The following PCNX4 variants were observed in gnomAD, a reference collection of about 807,000 sequenced individuals.
PCNX4 encodes pecanex-like protein 4.
Under a neutral mutation model 107.2 loss-of-function variants are expected in PCNX4, and 103 were observed. The observed-to-expected ratio is 0.96, with a 90% CI of 0.82 to 1.13. The LOEUF (loss-of-function observed/expected upper bound fraction) is 1.13. Ranked by LOEUF, PCNX4 falls within the 50% of genes most tolerant of loss-of-function variation. The pLI is 0.00. For synonymous variants in PCNX4, 541 were observed against 481.7 expected (o/e 1.12, Z -1.61); for missense variants, 1,528 against 1,379.4 (o/e 1.11, Z -1.71).
In PCNX4 at chr14:60,142,315, G is replaced by A. The variant is rs1432939211; in HGVS notation, c.*8094G>A. 2.0e-5 allele frequency: 3 copies of A among 152,212 alleles called. No individual in the cohort carries two copies. Among genetic ancestry groups the A allele is most frequent in the Admixed American group, 6.5e-5 (1 of 15,286 alleles). The allele number at this position is 152,212 out of a possible 1,614,324, so 9.4% of individuals were successfully genotyped here. The stretch of plus-strand genomic sequence containing the variant: ...TATTTAAATCTACCTTTGAATTACC[G>A]ATTGTGACTGAGGTCTCATGTGGCT... On this transcript the variant is annotated 3_prime_UTR_variant, in exon 11 of 11. Transcript: ENST00000406854. This position sits in a 1 kb window ranked among gnomAD's most constrained non-coding sequence, Gnocchi z 4.7.
chr14:60,126,101 G>A (rs533971623), intron 10 of PCNX4: 22 of 204,374 alleles, frequency 1.1e-4, no homozygotes, highest in African/African-American at 3.9e-4. Flanking sequence ...TGTGTAGTAT[G>A]CTATAACATA....
In PCNX4 at chr14:60,134,121, C is replaced by T. The variant is rs759203672; in HGVS notation, c.3419C>T (p.Ala1140Val). ...GATGAAGAACGTTATAGTATACAAG[C>T]TCATCCACTACTTTTAAGAAATCTT... ...NDDEERYSIQ[A>V]HPLLLRNLTV... is the part of the protein sequence containing the mutation. The change falls in exon 11 of 11, where the codon GCT (alanine) becomes GTT (valine). Residue 1140 changes from alanine to valine, a missense_variant. Physicochemically the swap from Ala to Val is moderately conservative, Grantham distance 64. Coordinates refer to ENST00000406854, the MANE Select transcript of PCNX4 (RefSeq NM_001330177.2). 35 of 1,613,736 alleles carry T rather than the reference C, an allele frequency of 2.2e-5. No individual in the cohort carries two copies. The highest frequency in any genetic ancestry group is 2.9e-5 in the Non-Finnish European group (34 of 1,179,814).
intron 1 of PCNX4, among the ~76,000 whole-genome samples, chr14:60,094,644 C>G (rs1296874797): frequency 6.6e-6 from 1 of 151,538 alleles, no homozygotes; most frequent in African/African-American, 2.4e-5. Flanking sequence ...ACCAGACAGC[C>G]CAGACCCCTC....
rs79014046 is a variant in PCNX4, at chr14:60,126,950, C to T, written c.3267+1127C>T. On this transcript the variant is annotated intron_variant, in intron 10 of 10. Transcript: ENST00000406854. Reference sequence around the variant, plus strand: ...TGCTTATCTCCTAAAGCAGAAGTGTCGCTCAAGAGAGAAGCATGCTATCGC... The same window carrying T: ...TGCTTATCTCCTAAAGCAGAAGTGTTGCTCAAGAGAGAAGCATGCTATCGC... Among the ~76,000 whole-genome samples the T allele has an allele frequency of 2.2e-3, 331 of 152,250 alleles. 2 individuals are homozygous for T. Among genetic ancestry groups the T allele is most frequent in the African/African-American group, 7.7e-3 (320 of 41,534 alleles).
chr14:60,099,038 T>C (rs1895482072), intron 1 of PCNX4, among the ~76,000 whole-genome samples: 2 of 152,192 alleles, frequency 1.3e-5, no homozygotes, highest in Admixed American at 1.3e-4. Context: ...TTCCGGATTA[T>C]AATGGTAGCT....
At chr14:60,118,156 G>T (rs1895885452) in intron 6 of PCNX4, among the ~76,000 whole-genome samples, 173 bp from the exon 7 acceptor site, 3 of 148,804 alleles carry the variant, frequency 2.0e-5, no homozygotes, top group African/African-American at 5.0e-5. Flanking sequence ...ATATAGTCTT[G>T]TTTATTAATT....
chr14:60,120,666 C>G (rs925064406), intron 7 of PCNX4, among the ~76,000 whole-genome samples: 1 of 152,082 alleles, frequency 6.6e-6, no homozygotes. Context: ...AATGTATTTT[C>G]GACAGCAGTT....
Position 60,115,269 on chromosome 14 carries a change from G to A in PCNX4, c.1165G>A (p.Ala389Thr). 1 of 1,610,838 alleles carries A rather than the reference G, an allele frequency of 6.2e-7. No homozygotes were observed. The highest frequency in any genetic ancestry group is 8.5e-7 in the Non-Finnish European group (1 of 1,177,416). Residue 389 changes from alanine to threonine, a missense_variant, in exon 4 of 11, where the codon GCT (alanine) becomes ACT (threonine). Ala to Thr is a moderately conservative substitution (Grantham distance 58). Coordinates refer to ENST00000406854, the MANE Select transcript of PCNX4 (RefSeq NM_001330177.2). The part of the protein sequence containing the change: ...FSQISKSNSQ[A>T]IVGYGLMILL... ...ACAGATTTCTAAAAGCAATTCCCAG[G>A]CTATTGTGGGCTATGGTTTGATGAT... is the stretch of plus-strand genomic sequence containing the variant.
chr14:60,115,302 A>G lies in PCNX4; in HGVS notation c.1198A>G (p.Ile400Val). 6.2e-7 allele frequency: 1 copy of G among 1,608,900 alleles called. No homozygotes were observed. Among genetic ancestry groups the G allele is most frequent in the South Asian group, 1.1e-5 (1 of 90,542 alleles). The change falls in exon 4 of 11, where the codon ATA becomes GTA. Residue 400 changes from isoleucine (I) to valine (V), a missense_variant. By Grantham distance (29) the Ile-to-Val change is conservative. Coordinates refer to ENST00000406854, the MANE Select transcript of PCNX4 (RefSeq NM_001330177.2). ...IVGYGLMILL[I>V]ILWILREIQS... ...GGGCTATGGTTTGATGATATTACTT[A>G]TAATACTGTGGATACTTAGAGAAAT... is the stretch of plus-strand genomic sequence containing the variant.
intron 1 of PCNX4, among the ~76,000 whole-genome samples, chr14:60,106,450 C>G (rs1280352045): frequency 1.3e-5 from 2 of 152,206 alleles, no homozygotes; most frequent in South Asian, 2.1e-4. Flanking sequence ...TATTTTCTGT[C>G]TGTGGTTGGT....
In PCNX4 at chr14:60,124,770, A is replaced by G. The variant is rs767018571; in HGVS notation, c.2599A>G (p.Thr867Ala). Residue 867 changes from threonine to alanine, a missense_variant, in exon 9 of 11, where the codon ACA becomes GCA. Physicochemically the swap from Thr to Ala is moderately conservative, Grantham distance 58 (BLOSUM62 0). Coordinates refer to ENST00000406854, the MANE Select transcript of PCNX4 (RefSeq NM_001330177.2). ...ATCACAGAGGGTTGGTGATCATTCT[A>G]CAGGCACTGTTCCTGAAAACGATCT... ...VESQRVGDHS[T>A]GTVPENDLYK... The G allele has an allele frequency of 1.1e-5, 17 of 1,613,306 alleles. No homozygotes were observed. The highest frequency in any genetic ancestry group is 7.7e-5 in the South Asian group (7 of 91,084).
intron 10 of PCNX4, among the ~76,000 whole-genome samples, chr14:60,133,455 T>C (rs1050165808): frequency 2.0e-5 from 3 of 152,198 alleles, no homozygotes; most frequent in African/African-American, 4.8e-5. Flanking sequence ...AGGATGGTGA[T>C]AACTAAAGAG....
intron 1 of PCNX4, among the ~76,000 whole-genome samples, chr14:60,097,607 A>G (rs1188262612): frequency 6.6e-6 from 1 of 152,204 alleles, no homozygotes; most frequent in Non-Finnish European, 1.5e-5. Context: ...TGTTGTTTCT[A>G]TCTCAACCAA....
Position 60,137,448 on chromosome 14 carries a change from T to C in PCNX4, c.*3227T>C, listed in dbSNP as rs1896252960. ...GATCTTCTCACTTCCCAAAACTGGA[T>C]TCAGGTGACCCTTTGCTGCAGCCGC... On this transcript the variant is annotated 3_prime_UTR_variant, in exon 11 of 11. Transcript: ENST00000406854. 1 of 152,260 alleles carries C rather than the reference T, an allele frequency of 6.6e-6. No homozygotes were observed. Among genetic ancestry groups the C allele is most frequent in the Admixed American group, 6.5e-5 (1 of 15,284 alleles). 9.4% of individuals were successfully genotyped at this position (152,260 alleles called of 1,614,324 possible).
chr14:60,128,397 C>T (rs1896094113), intron 10 of PCNX4, among the ~76,000 whole-genome samples: 2 of 152,104 alleles, frequency 1.3e-5, no homozygotes, highest in Non-Finnish European at 2.9e-5. Context: ...GATTTGTCAT[C>T]AGAAGCAATG....
chr14:60,114,797 C>G lies in PCNX4; in HGVS notation c.787C>G (p.Pro263Ala). The change falls in exon 3 of 11, where the codon CCA becomes GCA. Residue 263 changes from proline (P) to alanine (A), a missense_variant. By Grantham distance (27) the Pro-to-Ala change is conservative. Transcript: ENST00000406854. ...TCTGTGGGCACTTGGGACTCTGCCC[C>G]CACCCGATGCACTTCTCTTATGGGC... is the stretch of plus-strand genomic sequence containing the variant. Reference protein sequence around the residue: ...PFLWALGTLPPPDALLLWAME... With the variant: ...PFLWALGTLPAPDALLLWAME... The G allele has an allele frequency of 6.2e-7, 1 of 1,613,812 alleles. No individual in the cohort carries two copies. The highest frequency in any genetic ancestry group is 1.1e-5 in the South Asian group (1 of 91,068).
Position 60,121,252 on chromosome 14 carries a change from A to C in PCNX4, c.1999A>C (p.Ile667Leu), listed in dbSNP as rs367873216. Residue 667 changes from isoleucine to leucine, a missense_variant, in exon 8 of 11, where the codon ATA (isoleucine) becomes CTA (leucine). Physicochemically the swap from Ile to Leu is conservative, Grantham distance 5. Coordinates refer to ENST00000406854, the MANE Select transcript of PCNX4 (RefSeq NM_001330177.2). ...LGRFQDRLMW[I>L]MILECGYTYC... ...CCGTTTTCAGGATCGTTTAATGTGG[A>C]TAATGATTCTGGAATGTGGCTATAC... The C allele has an allele frequency of 1.3e-6, 2 of 1,597,932 alleles. No homozygotes were observed. The highest frequency in any genetic ancestry group is 2.8e-5 in the African/African-American group (2 of 72,180).
chr14:60,144,777 C>A lies in PCNX4; in HGVS notation c.*10556C>A. 2 of 584,370 alleles carry A rather than the reference C, an allele frequency of 3.4e-6. No homozygotes were observed. The highest frequency in any genetic ancestry group is 3.0e-5 in the East Asian group (1 of 33,078). The allele number at this position is 584,370 out of a possible 1,614,324, so 36.2% of individuals were successfully genotyped here. A position where few individuals can be genotyped will look rare whatever the true frequency, so the allele number is the denominator to read the frequency against. ...CCAAGAATATAGTATGAGTTAATAC[C>A]TTTTTTGCAAGATTCATGGCAATCT... On this transcript the variant is annotated 3_prime_UTR_variant, in exon 11 of 11. Coordinates refer to ENST00000406854, the MANE Select transcript of PCNX4 (RefSeq NM_001330177.2).
Position 60,144,801 on chromosome 14 carries a change from C to A in PCNX4, c.*10580C>A, listed in dbSNP as rs1566527389. Reference sequence around the variant, plus strand: ...CCTTTTTTGCAAGATTCATGGCAATCTTTTATTATTTATTTTTTATTTCAT... The same window carrying A: ...CCTTTTTTGCAAGATTCATGGCAATATTTTATTATTTATTTTTTATTTCAT... On this transcript the variant is annotated 3_prime_UTR_variant, in exon 11 of 11. Transcript: ENST00000406854. The A allele has an allele frequency of 3.1e-6, 2 of 641,296 alleles. No homozygotes were observed. The highest frequency in any genetic ancestry group is 2.7e-6 in the Non-Finnish European group (1 of 367,874). The allele number at this position is 641,296 out of a possible 1,614,324, so 39.7% of individuals were successfully genotyped here. A position where few individuals can be genotyped will look rare whatever the true frequency, so the allele number is the denominator to read the frequency against.
Sources: allele counts gnomAD v4.1 joint callset (sites outside exome capture counted in the v4.1 genomes callset), GRCh38; gene constraint gnomAD v4.1.1; non-coding constraint Gnocchi (gnomAD v3.1); transcripts MANE v1.5; gene names NCBI Gene and HGNC (gene_info 2026-07-23, HGNC 2026-07-21).